The following ARHGAP19 variants were observed in gnomAD, a reference collection of about 807,000 sequenced individuals.
The protein encoded by ARHGAP19 is rho GTPase-activating protein 19.
ARHGAP19 carries 48 observed loss-of-function variants against 60.9 expected under a neutral mutation model. The observed-to-expected ratio is 0.79, with a 90% CI of 0.62 to 1.00. The LOEUF is 1.00. ARHGAP19 is among the 50% of genes least tolerant of loss of function. The pLI, the probability that ARHGAP19 is intolerant of heterozygous loss-of-function variation, is 0.00. For synonymous variants in ARHGAP19, 209 were observed against 215.5 expected (o/e 0.97, Z 0.27); for missense variants, 562 against 597.2 (o/e 0.94, Z 0.61).
chr10:97,274,320 C>T (rs150795586), intron 1 of ARHGAP19, among the ~76,000 whole-genome samples: 296 of 152,168 alleles, frequency 1.9e-3, no homozygotes, highest in African/African-American at 6.9e-3. Flanking sequence ...CAAAAATTAG[C>T]AGGGCATGGT....
At chr10:97,250,927 AT>A (rs2134854341) in intron 6 of ARHGAP19, among the ~76,000 whole-genome samples, 1 of 151,628 alleles carries the variant, frequency 6.6e-6, no homozygotes, top group South Asian at 2.1e-4. Context: ...TTAGCCAGGC[AT>A]GGTGGCACGC....
chr10:97,292,551 A>G, intron 1 of ARHGAP19, 21 bp downstream of exon 1: 1 of 1,614,124 alleles, frequency 6.2e-7, no homozygotes, highest in Non-Finnish European at 8.5e-7. Flanking sequence ...TTCCCAGGAA[A>G]CTGGACCAAA....
chr10:97,255,445 T>G (rs1842739983), intron 6 of ARHGAP19, among the ~76,000 whole-genome samples: 1 of 152,032 alleles, frequency 6.6e-6, no homozygotes, highest in African/African-American at 2.4e-5. Context: ...GGCGTGGCAG[T>G]GTATGCCTGT....
In ARHGAP19 at chr10:97,224,554, G is replaced by C. The variant is rs1048057274; in HGVS notation, c.*1568C>G. 1 of 152,222 alleles carries C rather than the reference G, an allele frequency of 6.6e-6. No individual in the cohort carries two copies. Among genetic ancestry groups the C allele is most frequent in the Non-Finnish European group, 1.5e-5 (1 of 68,034 alleles). 9.4% of individuals were successfully genotyped at this position (152,222 alleles called of 1,614,324 possible). A position where few individuals can be genotyped will look rare whatever the true frequency, so the allele number is the denominator to read the frequency against. ...CAAAAGCAGCAGAAAGGCTGGCAGA[G>C]GGGGCTGCCAGCTGGGCACAAGGCC... is the stretch of plus-strand genomic sequence containing the variant. On this transcript the variant is annotated 3_prime_UTR_variant, in exon 12 of 12. Coordinates refer to ENST00000358531, the MANE Select transcript of ARHGAP19 (RefSeq NM_032900.6).
At chr10:97,282,847 T>C (rs914315311) in intron 1 of ARHGAP19, among the ~76,000 whole-genome samples, 2 of 145,150 alleles carry the variant, frequency 1.4e-5, no homozygotes, top group Non-Finnish European at 3.0e-5. Context: ...TTCTTTTTTT[T>C]TTTTTTTTTT....
chr10:97,239,882 T>A (rs1324249107), intron 8 of ARHGAP19, among the ~76,000 whole-genome samples: 2 of 151,744 alleles, frequency 1.3e-5, no homozygotes, highest in African/African-American at 4.8e-5. Flanking sequence ...TAATTTTGTA[T>A]TTTTAGTAGA....
chr10:97,263,157 C>G (rs1842853410), intron 4 of ARHGAP19, among the ~76,000 whole-genome samples: 1 of 152,088 alleles, frequency 6.6e-6, no homozygotes, highest in African/African-American at 2.4e-5. Context: ...ATCAGAGATT[C>G]AAAAATAAAT....
intron 1 of ARHGAP19, among the ~76,000 whole-genome samples, chr10:97,286,474 C>T (rs1843156761): frequency 6.6e-6 from 1 of 152,272 alleles, no homozygotes; most frequent in African/African-American, 2.4e-5. Context: ...TGGCTGTAGT[C>T]CCAGCTACTG....
At chr10:97,249,637 G>A (rs1054433749) in intron 6 of ARHGAP19, among the ~76,000 whole-genome samples, 5 of 151,938 alleles carry the variant, frequency 3.3e-5, no homozygotes, top group South Asian at 4.1e-4. Flanking sequence ...GATTAAAAGT[G>A]TCATAATAAT....
chr10:97,270,979 C>T (rs560953304), intron 1 of ARHGAP19, among the ~76,000 whole-genome samples: 4 of 152,260 alleles, frequency 2.6e-5, no homozygotes, highest in African/African-American at 9.6e-5. Flanking sequence ...TGATCCCTAC[C>T]TCACATCACA....
At chr10:97,270,546 T>C (rs1211555613) in intron 1 of ARHGAP19, 2 of 1,428,640 alleles carry the variant, frequency 1.4e-6, no homozygotes, top group Non-Finnish European at 1.9e-6. Context: ...CTTTCTACTC[T>C]ACAATATTGT....
chr10:97,251,496 AAGGAAGGGTAAGGGGAG>A (rs1564718239), intron 6 of ARHGAP19, among the ~76,000 whole-genome samples: 1 of 828 alleles, frequency 1.2e-3, no homozygotes. Flanking sequence ...GGGGAGGGGA[AAGGAAGGGTAAGGGGAG>A]GGGAAGGGGA....
intron 1 of ARHGAP19, chr10:97,270,499 G>T: frequency 1.3e-6 from 1 of 778,344 alleles, no homozygotes; most frequent in Non-Finnish European, 2.0e-6. Flanking sequence ...AAATGTATAG[G>T]ACTAAAGAAA....
chr10:97,261,745 A>T (rs1250373672), intron 4 of ARHGAP19, among the ~76,000 whole-genome samples: 1 of 152,254 alleles, frequency 6.6e-6, no homozygotes, highest in Non-Finnish European at 1.5e-5. Flanking sequence ...CCATATAATT[A>T]GAAGAAACAG....
chr10:97,280,161 C>A (rs1408587371), intron 1 of ARHGAP19, among the ~76,000 whole-genome samples: 2 of 152,134 alleles, frequency 1.3e-5, no homozygotes, highest in Non-Finnish European at 2.9e-5. Context: ...AATCCCAGCA[C>A]TTTAGGAGGC....
intron 4 of ARHGAP19, among the ~76,000 whole-genome samples, chr10:97,262,152 G>T (rs532705439): frequency 1.3e-5 from 2 of 148,958 alleles, no homozygotes; most frequent in African/African-American, 2.5e-5. Context: ...AGGAGTTTGA[G>T]ACCAGCCTGG....
chr10:97,259,253 C>T (rs1252313799), intron 5 of ARHGAP19, 149 bp downstream of exon 5: 11 of 654,630 alleles, frequency 1.7e-5, no homozygotes, highest in African/African-American at 3.6e-5. Context: ...GGTCTGATGA[C>T]TCTTCAATGA....
chr10:97,231,059 C>CAAACAAAAAAAAAAAAAAAAAAAAA (rs1851002949), intron 9 of ARHGAP19, among the ~76,000 whole-genome samples: 1 of 59,752 alleles, frequency 1.7e-5, no homozygotes, highest in African/African-American at 7.0e-5. Context: ...CTTGTCTCAC[C>CAAACAAAAAAAAAAAAAAAAAAAAA]AAAAAAAAAA....
rs182699948 is a variant in ARHGAP19 at position 97,268,763 on chromosome 10, C to T, written c.57-2638G>A. On this transcript the variant is annotated intron_variant, in intron 1 of 11. Coordinates refer to ENST00000358531, the MANE Select transcript of ARHGAP19 (RefSeq NM_032900.6). Reference sequence around the variant, plus strand: ...CCTCCCACTGGGCTCCTCCCACAACCGTGGGGATTATGGGAGCTAGAATTC... The same window carrying T: ...CCTCCCACTGGGCTCCTCCCACAACTGTGGGGATTATGGGAGCTAGAATTC... 2.7e-3 allele frequency among the ~76,000 whole-genome samples: 412 copies of T among 152,264 alleles called. 9 individuals are homozygous for T. Among genetic ancestry groups the T allele is most frequent in the Admixed American group, 0.025 (386 of 15,284 alleles).
Sources: allele counts gnomAD v4.1 joint callset (sites outside exome capture counted in the v4.1 genomes callset), GRCh38; gene constraint gnomAD v4.1.1; transcripts MANE v1.5; gene names NCBI Gene and HGNC (gene_info 2026-07-23, HGNC 2026-07-21).